Variants in PCDHGA6 observed in about 807,000 individuals in gnomAD.
PCDHGA6 encodes protocadherin gamma subfamily A, 6, also known as protocadherin gamma-A6.
PCDHGA6 carries 41 observed loss-of-function variants against 60.6 expected under a neutral mutation model. The observed-to-expected ratio is 0.68, with a 90% CI of 0.53 to 0.88. The LOEUF is 0.88. PCDHGA6 is among the 40% of genes least tolerant of loss of function. PCDHGA6 has a pLI of 0.00. For missense variants in PCDHGA6, 1,312 were observed against 1,203.0 expected, an observed-to-expected ratio of 1.09 and a Z score of -1.34; for synonymous variants, 594 against 524.4, an observed-to-expected ratio of 1.13 and a Z score of -1.81.
chr5:141,452,748 A>G (rs2098748275), intron 1 of PCDHGA6, among the ~76,000 whole-genome samples: 1 of 152,058 alleles, frequency 6.6e-6, no homozygotes, highest in Admixed American at 6.6e-5. Flanking sequence ...GAGAGAAGGA[A>G]GAAGGAAGGG....
intron 3 of PCDHGA6, 149 bp downstream of exon 3, chr5:141,505,630 A>T: frequency 6.8e-7 from 1 of 1,480,262 alleles, no homozygotes; most frequent in East Asian, 2.4e-5. Flanking sequence ...AATTCCAAAC[A>T]TAAAGCCTGG....
chr5:141,442,702 T>G (rs1301940560), intron 1 of PCDHGA6, among the ~76,000 whole-genome samples: 6 of 152,224 alleles, frequency 3.9e-5, no homozygotes, highest in Non-Finnish European at 8.8e-5. Context: ...GACAAGAGTA[T>G]CAGACATGCC....
At chr5:141,422,705 C>T (rs371027437) in intron 1 of PCDHGA6, 2 of 1,602,706 alleles carry the variant, frequency 1.2e-6, no homozygotes, top group South Asian at 1.1e-5. Context: ...TACTCTCTGA[C>T]GGATGACACT....
chr5:141,485,687 C>T lies in PCDHGA6; in HGVS notation c.2425-9120C>T. 1 of 1,614,066 alleles carries T rather than the reference C, an allele frequency of 6.2e-7. No individual in the cohort carries two copies. Among genetic ancestry groups the T allele is most frequent in the Non-Finnish European group, 8.5e-7 (1 of 1,179,966 alleles). ...GAGCAATTCGATTAGCAGCTATAGG[C>T]TGAGCTCCAATGAACACTTTGCACT... On this transcript the variant is annotated intron_variant, in intron 1 of 3. Transcript: ENST00000517434. The surrounding 1 kb of genome is among the most constrained non-coding windows in gnomAD (Gnocchi z 5.7).
intron 1 of PCDHGA6, chr5:141,389,915 C>T (rs371220204): frequency 2.2e-5 from 36 of 1,613,944 alleles, no homozygotes; most frequent in Non-Finnish European, 4.2e-6. Context: ...CTGACCGCCC[C>T]GACCCCTCTG....
At chr5:141,501,755 G>C (rs2099810889) in intron 2 of PCDHGA6, among the ~76,000 whole-genome samples, 1 of 152,116 alleles carries the variant, frequency 6.6e-6, no homozygotes, top group Non-Finnish European at 1.5e-5. Context: ...GAAGCTCTCA[G>C]TAAATGGTTA....
intron 1 of PCDHGA6, among the ~76,000 whole-genome samples, chr5:141,381,529 A>G (rs530526235): frequency 3.3e-5 from 5 of 152,212 alleles, no homozygotes; most frequent in Non-Finnish European, 5.9e-5. Context: ...TTTGAATTGC[A>G]TACTAGGATG....
At position 141,374,819 on chromosome 5, in the gene PCDHGA6, G is replaced by A. The variant is rs1489932950; in HGVS notation, c.736G>A (p.Val246Ile). The change falls in exon 1 of 4, where the codon GTC (valine) becomes ATC (isoleucine). Residue 246 changes from valine to isoleucine, a missense_variant. By Grantham distance (29) the Val-to-Ile change is conservative. Transcript: ENST00000517434. Reference protein sequence around the residue: ...NDNTPMFTQPVYRVSVPENLP... With the variant: ...NDNTPMFTQPIYRVSVPENLP... ...CAACACTCCAATGTTTACTCAGCCT[G>A]TCTACCGTGTAAGTGTTCCTGAAAA... 2 of 1,613,812 alleles carry A rather than the reference G, an allele frequency of 1.2e-6. 1 individual carries two copies. Among genetic ancestry groups the A allele is most frequent in the East Asian group, 4.5e-5 (2 of 44,894 alleles).
chr5:141,489,271 G>A lies in PCDHGA6; in HGVS notation c.2425-5536G>A, dbSNP rs1431562179. The A allele has an allele frequency of 2.4e-5, 37 of 1,554,676 alleles. No individual in the cohort carries two copies. The highest frequency in any genetic ancestry group is 3.0e-5 in the Non-Finnish European group (35 of 1,150,770). ...GCCCAAGACACTCCCACAGCTCGCT[G>A]GGAAATGGCAAGTGCTGTGCATGTT... On this transcript the variant is annotated intron_variant, in intron 1 of 3. Transcript: ENST00000517434. The surrounding 1 kb of genome is among the most constrained non-coding windows in gnomAD (Gnocchi z 4.5).
At chr5:141,478,500 T>C (rs754881921) in intron 1 of PCDHGA6, 16 of 1,612,740 alleles carry the variant, frequency 9.9e-6, no homozygotes, top group Non-Finnish European at 1.4e-5. Context: ...TGTGATCCGG[T>C]GTTCTATAGG....
rs1223618064 is a variant in PCDHGA6 at position 141,512,867 on chromosome 5, C to T, written c.*1694C>T. On this transcript the variant is annotated 3_prime_UTR_variant, in exon 4 of 4. Transcript: ENST00000517434. The stretch of plus-strand genomic sequence containing the variant: ...ATAAGCGCTTCTCTTCGCATAGTCA[C>T]GTAGCTCCCACCCCACCCTCTTCCT... 1 of 152,184 alleles carries T rather than the reference C, an allele frequency of 6.6e-6. No homozygotes were observed. The highest frequency in any genetic ancestry group is 1.5e-5 in the Non-Finnish European group (1 of 68,056). The allele number at this position is 152,184 out of a possible 1,614,324, so 9.4% of individuals were successfully genotyped here. A position where few individuals can be genotyped will look rare whatever the true frequency, so the allele number is the denominator to read the frequency against.
rs1050545030 is a variant in PCDHGA6, at chr5:141,410,711, A to G, written c.2424+34204A>G. The G allele has an allele frequency of 4.2e-6, 6 of 1,436,568 alleles. No individual in the cohort carries two copies. In the African/African-American group the frequency reaches 7.6e-5, roughly 18 times the overall value. The allele number at this position is 1,436,568 out of a possible 1,614,324, so 89.0% of individuals were successfully genotyped here. A position where few individuals can be genotyped will look rare whatever the true frequency, so the allele number is the denominator to read the frequency against. ...CTACTTTATTTTCATATCTAGAATC[A>G]TATGTTTAAAATCCATAGCTTTTTA... On this transcript the variant is annotated intron_variant, in intron 1 of 3. Transcript: ENST00000517434.
rs199973289 is a variant in PCDHGA6, at chr5:141,393,414, G to A, written c.2424+16907G>A. On this transcript the variant is annotated intron_variant, in intron 1 of 3. Transcript: ENST00000517434. ...AGAGCTGGTGCTGGAGCGCGCCCTG[G>A]ACAGGGAGGAAGAGGCTGCTCACCA... 7 of 1,614,038 alleles carry A rather than the reference G, an allele frequency of 4.3e-6. No individual in the cohort carries two copies. In the East Asian group the frequency reaches 1.3e-4, roughly 31 times the overall value.
chr5:141,400,453 C>G, intron 1 of PCDHGA6: 2 of 1,614,056 alleles, frequency 1.2e-6, no homozygotes, highest in South Asian at 2.2e-5. Flanking sequence ...ACAAGACATA[C>G]TTTGTGGTGA....
rs544860780 is a variant in PCDHGA6 at position 141,406,543 on chromosome 5, C to G, written c.2424+30036C>G. On this transcript the variant is annotated intron_variant, in intron 1 of 3. Transcript: ENST00000517434. ...AGATATTTTCTGACGAAGATTCAAA[C>G]TTCAGTTATCCACTTCCAAACCCTA... is the stretch of plus-strand genomic sequence containing the variant. Among the ~76,000 whole-genome samples, 16 of 152,288 alleles carry G rather than the reference C, an allele frequency of 1.1e-4. 1 individual carries two copies. The South Asian group carries it at 2.9e-3, about 28-fold the overall frequency.
rs370470847 is a variant in PCDHGA6 at position 141,374,504 on chromosome 5, A to G, written c.421A>G (p.Lys141Glu). 6.2e-7 allele frequency: 1 copy of G among 1,611,510 alleles called. No individual in the cohort carries two copies. Among genetic ancestry groups the G allele is most frequent in the African/African-American group, 1.3e-5 (1 of 75,026 alleles). Residue 141 changes from lysine (K) to glutamate (E), a missense_variant, in exon 1 of 4, where the codon AAA (lysine) becomes GAA (glutamate). Lys to Glu is a moderately conservative substitution (Grantham distance 56). Coordinates refer to ENST00000517434, the MANE Select transcript of PCDHGA6 (RefSeq NM_018919.3). ...ATTCTTAAAGGAAGAATTGGAAGTG[A>G]AAATTCTCGAAAACGCAGCTCCATC... ...PRFLKEELEV[K>E]ILENAAPSSR...
chr5:141,421,562 A>G (rs1326874908), intron 1 of PCDHGA6: 1 of 1,613,992 alleles, frequency 6.2e-7, no homozygotes, highest in South Asian at 1.1e-5. Context: ...CTTCTCGTGG[A>G]AGACACCTTG....
chr5:141,400,645 G>T, intron 1 of PCDHGA6: 1 of 1,239,756 alleles, frequency 8.1e-7, no homozygotes, highest in Non-Finnish European at 1.2e-6. Context: ...TGCTCAGAAA[G>T]CTGTCCTACC....
intron 1 of PCDHGA6, among the ~76,000 whole-genome samples, chr5:141,447,162 G>A (rs1213550616): frequency 6.6e-6 from 1 of 151,700 alleles, no homozygotes; most frequent in African/African-American, 2.4e-5. Flanking sequence ...TTGTTTAAGC[G>A]GGGTCTTGCT....
Sources: gnomAD v4.1 joint callset for allele counts (sites outside exome capture counted in the v4.1 genomes callset) on GRCh38, gnomAD v4.1.1 for gene constraint, Gnocchi (gnomAD v3.1) non-coding constraint, MANE v1.5 for transcripts, NCBI Gene and HGNC (gene_info 2026-07-23, HGNC 2026-07-21) for gene names.